The following AXL variants were observed in gnomAD, a reference collection of about 807,000 sequenced individuals.
AXL encodes tyrosine-protein kinase receptor UFO.
Under a neutral mutation model 104.5 loss-of-function variants are expected in AXL, and 52 were observed. The ratio of observed to expected loss-of-function variants is 0.50; its 90% confidence interval spans 0.40 to 0.63. The LOEUF (loss-of-function observed/expected upper bound fraction) is 0.63, where lower values mean the gene tolerates loss of function less well. Ranked by LOEUF, AXL falls within the 20% of genes least tolerant of loss-of-function variation. The pLI, the probability that AXL is intolerant of heterozygous loss-of-function variation, is 0.00. For synonymous variants in AXL, 455 were observed against 473.7 expected (o/e 0.96, Z 0.51); for missense variants, 1,024 against 1,188.5 (o/e 0.86, Z 2.04).
At position 41,221,876 on chromosome 19, in the gene AXL, C is replaced by G. The variant is rs919756686; in HGVS notation, c.410-4C>G. 9 of 1,613,366 alleles carry G rather than the reference C, an allele frequency of 5.6e-6. No individual in the cohort carries two copies. Among genetic ancestry groups the G allele is most frequent in the Non-Finnish European group, 6.8e-6 (8 of 1,179,744 alleles). On this transcript the variant is annotated splice_region_variant and splice_polypyrimidine_tract_variant and intron_variant, in intron 3 of 19. Coordinates refer to ENST00000301178, the MANE Select transcript of AXL (RefSeq NM_021913.5). ...CCAGCCTCTACCACTGCCCACCCCG[C>G]TAGGCTTGCCTTACTTCCTGGAGGA...
intron 12 of AXL, among the ~76,000 whole-genome samples, chr19:41,247,064 GAC>G (rs1045176499): frequency 1.3e-5 from 2 of 152,144 alleles, no homozygotes; most frequent in African/African-American, 4.8e-5. Context: ...AAAGAAGCCA[GAC>G]ACAAAAGAGA....
intron 12 of AXL, among the ~76,000 whole-genome samples, chr19:41,246,203 T>C (rs922995275): frequency 2.0e-5 from 3 of 152,068 alleles, no homozygotes; most frequent in African/African-American, 7.2e-5. Context: ...ATCCCACCAC[T>C]TTGGGAGGCC....
At chr19:41,219,658 G>A (rs998298779) in intron 1 of AXL, among the ~76,000 whole-genome samples, 181 bp downstream of exon 1, 1 of 151,598 alleles carries the variant, frequency 6.6e-6, no homozygotes, top group East Asian at 1.9e-4. Context: ...TGCGGCAGAG[G>A]GAGAGAAAGA....
At chr19:41,245,340 A>G (rs1425491274) in intron 12 of AXL, among the ~76,000 whole-genome samples, 30 of 152,214 alleles carry the variant, frequency 2.0e-4, no homozygotes, top group Admixed American at 2.0e-3. Context: ...TTTTGAAATC[A>G]TAAAATCTTA....
intron 4 of AXL, among the ~76,000 whole-genome samples, chr19:41,229,219 G>A (rs2122215120): frequency 6.6e-6 from 1 of 151,952 alleles, no homozygotes; most frequent in South Asian, 2.1e-4. Flanking sequence ...CTAAGGCTGG[G>A]ATTACGGGCA....
In AXL at chr19:41,257,558, G is replaced by A. The variant is rs2122293148; in HGVS notation, c.2262G>A (p.Glu754=). The part of the protein sequence containing the change: ...TRGQTPYPGV[E]NSEIYDYLRQ... The stretch of plus-strand genomic sequence containing the variant: ...GCCAAACCCCATATCCGGGCGTGGA[G>A]AACAGCGAGATTTATGACTATCTGC... Residue 754 remains glutamate, a synonymous_variant, in exon 19 of 20, where the codon GAG becomes GAA. Transcript: ENST00000301178. 6.2e-7 allele frequency: 1 copy of A among 1,614,208 alleles called. No homozygotes were observed. The highest frequency in any genetic ancestry group is 8.5e-7 in the Non-Finnish European group (1 of 1,180,048).
chr19:41,241,878 C>T (rs1184889081), intron 10 of AXL, among the ~76,000 whole-genome samples: 1 of 152,106 alleles, frequency 6.6e-6, no homozygotes, highest in African/African-American at 2.4e-5. Flanking sequence ...CAAAGAAAAC[C>T]CTTTTGTAGT....
chr19:41,224,636 G>A (rs1418491286), intron 4 of AXL, among the ~76,000 whole-genome samples: 7 of 152,024 alleles, frequency 4.6e-5, no homozygotes, highest in Admixed American at 3.3e-4. Context: ...CTCCCGCCTC[G>A]GCCTCCCAAA....
chr19:41,235,843 C>T (rs1017910433), intron 6 of AXL, among the ~76,000 whole-genome samples: 13 of 152,168 alleles, frequency 8.5e-5, no homozygotes, highest in African/African-American at 3.1e-4. Flanking sequence ...TCAGATTTGT[C>T]AAGGGCTAAG....
intron 4 of AXL, among the ~76,000 whole-genome samples, chr19:41,230,015 GTATA>G (rs1180342303): frequency 6.6e-6 from 1 of 151,976 alleles, no homozygotes; most frequent in Non-Finnish European, 1.5e-5. Context: ...GTGTGAGTAT[GTATA>G]TATGTGTCTA....
At chr19:41,230,197 ATG>A (rs779665803) in intron 4 of AXL, among the ~76,000 whole-genome samples, 2 of 146,076 alleles carry the variant, frequency 1.4e-5, no homozygotes, top group Non-Finnish European at 3.0e-5. Flanking sequence ...ATGTGTTTAT[ATG>A]TGTGTGTATG....
chr19:41,230,199 G>A (rs1388854199), intron 4 of AXL, among the ~76,000 whole-genome samples: 1 of 151,650 alleles, frequency 6.6e-6, no homozygotes, highest in Non-Finnish European at 1.5e-5. Context: ...GTGTTTATAT[G>A]TGTGTGTATG....
At chr19:41,235,302 G>C (rs2034058607) in intron 6 of AXL, among the ~76,000 whole-genome samples, 1 of 152,004 alleles carries the variant, frequency 6.6e-6, no homozygotes, top group East Asian at 1.9e-4. Flanking sequence ...AGTGAGCCGA[G>C]ATCATGCCAT....
At chr19:41,246,540 T>A (rs1158109145) in intron 12 of AXL, among the ~76,000 whole-genome samples, 38 of 141,440 alleles carry the variant, frequency 2.7e-4, no homozygotes, top group African/African-American at 7.5e-4. Context: ...CATCTCTATT[T>A]AAAAAAAAAA....
chr19:41,242,807 C>T, intron 10 of AXL, 76 bp from the exon 11 acceptor site: 4 of 1,584,550 alleles, frequency 2.5e-6, no homozygotes, highest in Admixed American at 1.7e-5. Flanking sequence ...TGCCTCCCTC[C>T]CACATCACCC....
At chr19:41,236,868 CAT>C (rs2034089196) in intron 6 of AXL, among the ~76,000 whole-genome samples, 2 of 151,874 alleles carry the variant, frequency 1.3e-5, no homozygotes, top group South Asian at 4.2e-4. Flanking sequence ...TCGTCTAACA[CAT>C]GTGGCCCAGG....
At chr19:41,243,472 G>C (rs190211338) in intron 11 of AXL, 144 bp from the exon 12 acceptor site, 1 of 724,744 alleles carries the variant, frequency 1.4e-6, no homozygotes, top group Non-Finnish European at 2.5e-6. Flanking sequence ...AAGGCAGAAG[G>C]TAGCTGCCCA....
chr19:41,257,406 A>G (rs761269664), intron 18 of AXL, 87 bp from the exon 19 acceptor site: 32 of 1,551,678 alleles, frequency 2.1e-5, no homozygotes, highest in Middle Eastern at 1.8e-4. Context: ...ACATGTGTAC[A>G]TAAGTGTGGG....
In AXL at chr19:41,248,725, C is replaced by G. The variant is rs2034311567; in HGVS notation, c.1634-18C>G. The G allele has an allele frequency of 1.2e-6, 2 of 1,613,972 alleles. No homozygotes were observed. The highest frequency in any genetic ancestry group is 4.5e-5 in the East Asian group (2 of 44,878). ...CACGGGCCCTCTGAGGTCAGTGTCT[C>G]CCTCTGGCCCCCCACAGGAGAGTTT... On this transcript the variant is annotated intron_variant, in intron 13 of 19. Coordinates refer to ENST00000301178, the MANE Select transcript of AXL (RefSeq NM_021913.5).
Sources: gnomAD v4.1 joint callset for allele counts (sites outside exome capture counted in the v4.1 genomes callset) on GRCh38, gnomAD v4.1.1 for gene constraint, MANE v1.5 for transcripts, NCBI Gene and HGNC (gene_info 2026-07-23, HGNC 2026-07-21) for gene names.